CAMTA1: variants seen among roughly 807,000 people sequenced by gnomAD.
The protein encoded by CAMTA1 is calmodulin-binding transcription activator 1.
Under a neutral mutation model 170.9 loss-of-function variants are expected in CAMTA1, and 27 were observed. The observed-to-expected ratio is 0.16, with a 90% confidence interval of 0.12 to 0.22. CAMTA1 has a LOEUF of 0.22. Among genes scored for constraint, CAMTA1 ranks in the 10% least tolerant of loss-of-function variants. The probability of loss-of-function intolerance (pLI) is 1.00; values close to 1 mark genes in which losing one functional copy is unlikely to be tolerated. For missense variants in CAMTA1, 1,619 were observed against 2,217.2 expected (o/e 0.73, Z 5.42); for synonymous variants, 833 against 891.5 (o/e 0.93, Z 1.17).
At chr1:6,884,291 G>GACACACACACACAC (rs112571156) in intron 3 of CAMTA1, among the ~76,000 whole-genome samples, 127 of 136,654 alleles carry the variant, frequency 9.3e-4, no homozygotes, top group Admixed American at 2.6e-3. Context: ...ATTCTCTAGA[G>GACACACACACACAC]ACACACACAC....
intron 11 of CAMTA1, among the ~76,000 whole-genome samples, chr1:7,704,794 CGGGCT>C (rs577832310): frequency 6.8e-6 from 1 of 146,210 alleles, no homozygotes; most frequent in East Asian, 2.0e-4. Flanking sequence ...GGCGCGGGGC[CGGGCT>C]GGGCCGGGCC....
chr1:7,070,712 G>A (rs762985932), intron 3 of CAMTA1, among the ~76,000 whole-genome samples: 5 of 152,208 alleles, frequency 3.3e-5, no homozygotes, highest in African/African-American at 4.8e-5. Context: ...GGGTTATAGG[G>A]AGGGGACCAG....
At chr1:6,867,366 A>G (rs1666945594) in intron 3 of CAMTA1, among the ~76,000 whole-genome samples, 1 of 151,994 alleles carries the variant, frequency 6.6e-6, no homozygotes, top group Non-Finnish European at 1.5e-5. Flanking sequence ...AAATAATATG[A>G]TTGTAGGTAT....
intron 3 of CAMTA1, among the ~76,000 whole-genome samples, chr1:6,840,362 C>G (rs539516510): frequency 1.3e-5 from 2 of 152,082 alleles, no homozygotes; most frequent in African/African-American, 4.8e-5. Context: ...GAGTCTGTTG[C>G]GATAACTGGT....
chr1:6,914,251 C>T (rs1156979753), intron 3 of CAMTA1, among the ~76,000 whole-genome samples: 2 of 151,938 alleles, frequency 1.3e-5, no homozygotes, highest in Non-Finnish European at 2.9e-5. Context: ...ATTACAGATG[C>T]CTGACACCAA....
chr1:7,363,597 C>T (rs74949757), intron 5 of CAMTA1, among the ~76,000 whole-genome samples: 298 of 152,180 alleles, frequency 2.0e-3, no homozygotes, highest in Middle Eastern at 6.8e-3. Context: ...TGGGTGACAT[C>T]GGAACGATTG....
At chr1:7,049,318 G>C (rs917149886) in intron 3 of CAMTA1, among the ~76,000 whole-genome samples, 3 of 151,624 alleles carry the variant, frequency 2.0e-5, no homozygotes, top group Admixed American at 2.0e-4. Flanking sequence ...TCAAGGCCAG[G>C]GGGTGCAGGG....
At chr1:6,969,858 G>C (rs1692226657) in intron 3 of CAMTA1, among the ~76,000 whole-genome samples, 1 of 152,206 alleles carries the variant, frequency 6.6e-6, no homozygotes, top group Non-Finnish European at 1.5e-5. Flanking sequence ...GGGGCCTCAT[G>C]TAGCCTTGGT....
At chr1:7,187,542 T>C (rs1430382157) in intron 4 of CAMTA1, among the ~76,000 whole-genome samples, 1 of 152,182 alleles carries the variant, frequency 6.6e-6, no homozygotes, top group Non-Finnish European at 1.5e-5. Context: ...AACTTAAGCA[T>C]TCTAGACTTC....
chr1:7,388,925 C>G (rs1213524316), intron 5 of CAMTA1, among the ~76,000 whole-genome samples: 1 of 152,216 alleles, frequency 6.6e-6, no homozygotes, highest in Non-Finnish European at 1.5e-5. Context: ...CTGGGCTGGT[C>G]TCCCCACCAG....
intron 6 of CAMTA1, among the ~76,000 whole-genome samples, chr1:7,591,463 G>A (rs2095354661): frequency 6.6e-6 from 1 of 152,190 alleles, no homozygotes; most frequent in African/African-American, 2.4e-5. Flanking sequence ...GACTGTTACT[G>A]TAAAACATTG....
chr1:7,581,882 C>A (rs1406550483), intron 6 of CAMTA1, among the ~76,000 whole-genome samples: 1 of 152,186 alleles, frequency 6.6e-6, no homozygotes, highest in African/African-American at 2.4e-5. Flanking sequence ...TCATCAGTCA[C>A]CAGAGGGCAG....
At chr1:7,079,063 C>A (rs902399471) in intron 3 of CAMTA1, among the ~76,000 whole-genome samples, 22 of 152,310 alleles carry the variant, frequency 1.4e-4, no homozygotes, top group Non-Finnish European at 2.1e-4. Flanking sequence ...CTATAAAATT[C>A]ACAGAGCTCA....
intron 3 of CAMTA1, among the ~76,000 whole-genome samples, chr1:7,068,166 A>T (rs1709204434): frequency 6.6e-6 from 1 of 152,196 alleles, no homozygotes; most frequent in Non-Finnish European, 1.5e-5. Flanking sequence ...AAAATATCCT[A>T]CTTGAAAGCA....
At chr1:7,481,094 C>T (rs1445930383) in intron 6 of CAMTA1, among the ~76,000 whole-genome samples, 2 of 152,144 alleles carry the variant, frequency 1.3e-5, no homozygotes, top group African/African-American at 4.8e-5. Flanking sequence ...TCCTTCTCTC[C>T]CTCTCTTCTG....
Position 7,661,730 on chromosome 1 carries a change from T to C in CAMTA1, c.669T>C (p.His223=). 1.9e-6 allele frequency: 3 copies of C among 1,613,668 alleles called. No homozygotes were observed. Among genetic ancestry groups the C allele is most frequent in the Non-Finnish European group, 2.5e-6 (3 of 1,179,944 alleles). The part of the protein sequence containing the change: ...ELIGQLKPMF[H]GIKWTCSNGN... ...CCCCTGCCTCTCTCTTCACAGTCCA[T>C]GGCATCAAGTGGACCTGCAGCAATG... The change falls in exon 8 of 23, where the codon CAT becomes CAC. Residue 223 remains histidine (H), a synonymous_variant. Coordinates refer to ENST00000303635, the MANE Select transcript of CAMTA1 (RefSeq NM_015215.4).
rs2091886355 is a variant in CAMTA1 at position 7,426,600 on chromosome 1, T to C, written c.439-41230T>C. The stretch of plus-strand genomic sequence containing the variant: ...GCTTCGAGGTTTGGCAAATCCATAA[T>C]TAATCAGCCTGGCTCAGAGCTTCTG... On this transcript the variant is annotated intron_variant, in intron 5 of 22. Transcript: ENST00000303635. This position sits in a 1 kb window ranked among gnomAD's most constrained non-coding sequence, Gnocchi z 4.8. Among the ~76,000 whole-genome samples, 1 of 152,156 alleles carries C rather than the reference T, an allele frequency of 6.6e-6. No homozygotes were observed. The highest frequency in any genetic ancestry group is 2.1e-4 in the South Asian group (1 of 4,822).
intron 5 of CAMTA1, among the ~76,000 whole-genome samples, chr1:7,348,788 C>T (rs964171563): frequency 6.6e-5 from 10 of 152,334 alleles, no homozygotes; most frequent in Non-Finnish European, 1.2e-4. Context: ...GTCCGTTAAG[C>T]ATCAAAGAGA....
chr1:7,272,940 A>G (rs1461336491), intron 5 of CAMTA1, among the ~76,000 whole-genome samples: 4 of 152,196 alleles, frequency 2.6e-5, no homozygotes, highest in African/African-American at 9.7e-5. Flanking sequence ...AAATGGACAC[A>G]TAATTTGAAT....
Sources: gnomAD v4.1 joint callset for allele counts (sites outside exome capture counted in the v4.1 genomes callset) on GRCh38, gnomAD v4.1.1 for gene constraint, Gnocchi (gnomAD v3.1) non-coding constraint, MANE v1.5 for transcripts, NCBI Gene and HGNC (gene_info 2026-07-23, HGNC 2026-07-21) for gene names.